Variants in PPM1E observed in about 807,000 individuals in gnomAD.
PPM1E encodes the protein protein phosphatase, Mg2+/Mn2+ dependent 1E.
In PPM1E, 20 loss-of-function variants were observed where a neutral mutation model predicts 65.9. The observed-to-expected ratio is 0.30, with a 90% CI of 0.21 to 0.44. The LOEUF is 0.44. Among genes scored for constraint, PPM1E ranks in the 20% least tolerant of loss-of-function variants. The probability of loss-of-function intolerance (pLI) is 1.00; values close to 1 mark genes in which losing one functional copy is unlikely to be tolerated. For synonymous variants in PPM1E, 352 were observed against 374.9 expected, an observed-to-expected ratio of 0.94 and a Z score of 0.70; for missense variants, 713 against 953.1, an observed-to-expected ratio of 0.75 and a Z score of 3.32.
At chr17:58,816,321 G>T (rs528036784) in intron 1 of PPM1E, among the ~76,000 whole-genome samples, 3 of 152,220 alleles carry the variant, frequency 2.0e-5, no homozygotes, top group Admixed American at 2.0e-4. Flanking sequence ...ACTACACCCA[G>T]CCTGTATGTA....
At chr17:58,891,593 G>A (rs2051345301) in intron 1 of PPM1E, among the ~76,000 whole-genome samples, 1 of 152,056 alleles carries the variant, frequency 6.6e-6, no homozygotes, top group African/African-American at 2.4e-5. Context: ...AAAGTGTTGG[G>A]ATTACAGGCA....
At chr17:58,829,882 C>T (rs1235538441) in intron 1 of PPM1E, among the ~76,000 whole-genome samples, 3 of 152,066 alleles carry the variant, frequency 2.0e-5, no homozygotes, top group African/African-American at 7.2e-5. Flanking sequence ...TAGTTGGGTA[C>T]AGAATTACAG....
In PPM1E at chr17:58,815,498, C is replaced by A. The variant is rs920540129; in HGVS notation, c.464+59037C>A. 3.3e-5 allele frequency among the ~76,000 whole-genome samples: 5 copies of A among 152,248 alleles called. No individual in the cohort carries two copies. In the East Asian group the frequency reaches 9.6e-4, roughly 29 times the overall value. On this transcript the variant is annotated intron_variant, in intron 1 of 6. Coordinates refer to ENST00000308249, the MANE Select transcript of PPM1E (RefSeq NM_014906.5). ...CTAATAATTGAAAAGAAAGAGTATG[C>A]GTTCTTTTAGAGATACCTAGAAAGA...
chr17:58,766,196 G>GTTTTTTT (rs10604459), intron 1 of PPM1E, among the ~76,000 whole-genome samples: 6 of 65,138 alleles, frequency 9.2e-5, no homozygotes, highest in Admixed American at 1.9e-4. Flanking sequence ...TGTAATTTCT[G>GTTTTTTT]TTTTTTTTTT....
intron 1 of PPM1E, among the ~76,000 whole-genome samples, chr17:58,888,362 C>CTTTTTTTTTTTTTTTTT (rs71367642): frequency 9.6e-6 from 1 of 104,490 alleles, no homozygotes; most frequent in Non-Finnish European, 1.9e-5. Flanking sequence ...ACTCTTCTCT[C>CTTTTTTTTTTTTTTTTT]TTTTTTTTTT....
chr17:58,854,673 C>T (rs1567854329), intron 1 of PPM1E, among the ~76,000 whole-genome samples: 2 of 151,604 alleles, frequency 1.3e-5, no homozygotes, highest in East Asian at 3.9e-4. Context: ...GGGTTTTTTC[C>T]TTCATTTTGT....
intron 1 of PPM1E, among the ~76,000 whole-genome samples, chr17:58,756,761 GC>G (rs2049771674): frequency 6.6e-6 from 1 of 152,066 alleles, no homozygotes; most frequent in Admixed American, 6.5e-5. Flanking sequence ...TTTCACCTCG[GC>G]CCCCAGCTTC....
At chr17:58,802,834 T>C (rs958201994) in intron 1 of PPM1E, among the ~76,000 whole-genome samples, 27 of 152,170 alleles carry the variant, frequency 1.8e-4, no homozygotes, top group African/African-American at 5.8e-4. Context: ...TTTCATGTAG[T>C]TCACTGTTAG....
At chr17:58,794,771 C>A (rs981207716) in intron 1 of PPM1E, among the ~76,000 whole-genome samples, 1 of 152,102 alleles carries the variant, frequency 6.6e-6, no homozygotes, top group African/African-American at 2.4e-5. Flanking sequence ...GCATAGTATT[C>A]CATAGTGTAT....
At chr17:58,810,309 T>C (rs1466834270) in intron 1 of PPM1E, among the ~76,000 whole-genome samples, 1 of 151,986 alleles carries the variant, frequency 6.6e-6, no homozygotes, top group Non-Finnish European at 1.5e-5. Context: ...TGGGTTCAAG[T>C]GATTCTCCTG....
chr17:58,909,924 C>CTTTTTTTTTTTTTT (rs35833275), intron 1 of PPM1E, among the ~76,000 whole-genome samples: 623 of 89,984 alleles, frequency 6.9e-3, no homozygotes, highest in Middle Eastern at 9.1e-3. Flanking sequence ...TTTTCTTTTT[C>CTTTTTTTTTTTTTT]TTTTTTTTTT....
intron 1 of PPM1E, among the ~76,000 whole-genome samples, chr17:58,935,883 C>A (rs2051973298): frequency 6.6e-6 from 1 of 151,670 alleles, no homozygotes; most frequent in Admixed American, 6.6e-5. Flanking sequence ...AGGTTAGTTA[C>A]ATATGTATAC....
chr17:58,869,654 T>C (rs2051047904), intron 1 of PPM1E, among the ~76,000 whole-genome samples: 1 of 152,170 alleles, frequency 6.6e-6, no homozygotes, highest in African/African-American at 2.4e-5. Context: ...ACCTCTTTTC[T>C]TATAAATTAC....
chr17:58,827,883 C>T (rs1161369076), intron 1 of PPM1E, among the ~76,000 whole-genome samples: 5 of 126,690 alleles, frequency 3.9e-5, no homozygotes, highest in Non-Finnish European at 8.1e-5. Context: ...ACCTGGGCGA[C>T]AGAGCGAGAC....
intron 1 of PPM1E, among the ~76,000 whole-genome samples, chr17:58,810,518 C>G (rs1448483721): frequency 6.6e-6 from 1 of 152,094 alleles, no homozygotes; most frequent in Non-Finnish European, 1.5e-5. Context: ...GTGTACTTTA[C>G]ATTGCATTTC....
At chr17:58,898,248 C>T (rs777307388) in intron 1 of PPM1E, among the ~76,000 whole-genome samples, 15 of 142,860 alleles carry the variant, frequency 1.0e-4, no homozygotes, top group Non-Finnish European at 1.4e-4. Context: ...AGGGAGACTG[C>T]GTCTCAAAAA....
intron 1 of PPM1E, among the ~76,000 whole-genome samples, chr17:58,796,353 T>C (rs1007050519): frequency 5.9e-5 from 9 of 152,158 alleles, no homozygotes; most frequent in African/African-American, 2.2e-4. Context: ...CTTGGTTTTT[T>C]CCCATGGCAC....
At chr17:58,979,250 A>G (rs1443405205) in intron 6 of PPM1E, among the ~76,000 whole-genome samples, 1 of 152,168 alleles carries the variant, frequency 6.6e-6, no homozygotes, top group African/African-American at 2.4e-5. Flanking sequence ...AATATAAGAG[A>G]AAAATGGCCA....
Position 58,969,719 on chromosome 17 carries a change from G to A in PPM1E, c.964G>A (p.Ala322Thr). 1 of 1,614,130 alleles carries A rather than the reference G, an allele frequency of 6.2e-7. No homozygotes were observed. Residue 322 changes from alanine to threonine, a missense_variant, in exon 4 of 7, where the codon GCC becomes ACC. Around this residue, in one of 6 missense-constraint regions of PPM1E, gnomAD observed 88 missense variants for 231.1 expected, o/e 0.38. Coordinates refer to ENST00000308249, the MANE Select transcript of PPM1E (RefSeq NM_014906.5). ...TGATGAGCGGTTTGTGCAGAAAGCAGCCAGGGAGGTATGCCCCTTTCTCAT... is the reference window on the plus strand; with the variant it reads ...TGATGAGCGGTTTGTGCAGAAAGCAACCAGGGAGGTATGCCCCTTTCTCAT... ...VTDERFVQKA[A>T]RESLRCGTTG...
Sources: gnomAD v4.1 joint callset for allele counts (sites outside exome capture counted in the v4.1 genomes callset) on GRCh38, gnomAD v4.1.1 for gene constraint, gnomAD v4.1.1 regional missense constraint, MANE v1.5 for transcripts, NCBI Gene and HGNC (gene_info 2026-07-23, HGNC 2026-07-21) for gene names.